TTN: variants seen among roughly 807,000 people sequenced by gnomAD.
TTN encodes connectin.
In TTN, 1,525 loss-of-function variants were observed where a neutral mutation model predicts 3,223.0. The observed-to-expected ratio is 0.47, with a 90% CI of 0.45 to 0.49. The LOEUF is 0.49. TTN is among the 20% of genes least tolerant of loss of function. TTN has a pLI of 0.00. For missense variants in TTN, 40,786 were observed against 43,424.0 expected (o/e 0.94, Z 5.40); for synonymous variants, 14,094 against 15,161.0 (o/e 0.93, Z 5.17).
In TTN at chr2:178,560,819, G is replaced by C; in HGVS notation, c.85313C>G (p.Thr28438Ser). 1.2e-6 allele frequency: 2 copies of C among 1,613,674 alleles called. No individual in the cohort carries two copies. Among genetic ancestry groups the C allele is most frequent in the Non-Finnish European group, 1.7e-6 (2 of 1,179,774 alleles). ...TTTGCAATTAACGGCCACAGACCGA[G>C]TGCCGGCAACATTCTTCAGTGTTAG... ...YVLTLKNVAG[T>S]RSVAVNCKVL... Residue 28438 changes from threonine to serine, a missense_variant, in exon 326 of 363, where the codon ACT becomes AGT. Thr to Ser is a moderately conservative substitution (Grantham distance 58, BLOSUM62 1). Coordinates refer to ENST00000589042, the MANE Select transcript of TTN (RefSeq NM_001267550.2).
chr2:178,593,097 G>C lies in TTN; in HGVS notation c.59036-14C>G. On this transcript the variant is annotated splice_polypyrimidine_tract_variant and intron_variant, in intron 299 of 362. Transcript: ENST00000589042. ...GACTTGGTTTAGCTAAAAAATAAAA[G>C]TAAAAAACGAATTAGCATATAGCTG... 6.2e-7 allele frequency: 1 copy of C among 1,610,742 alleles called. No individual in the cohort carries two copies. Among genetic ancestry groups the C allele is most frequent in the Non-Finnish European group, 8.5e-7 (1 of 1,178,936 alleles).
chr2:178,612,616 T>A (rs772048570), intron 265 of TTN, 40 bp from the exon 266 acceptor site: 11 of 1,483,222 alleles, frequency 7.4e-6, no homozygotes, highest in African/African-American at 7.4e-5. Context: ...TTTTTTTTTT[T>A]ATTACCCAAT....
chr2:178,529,417 TTAAAC>T lies in TTN; in HGVS notation c.106532-203_106532-199del, dbSNP rs1278418942. ...CTTTTGAGATCACTGTAATGATTCC[TTAAAC>T]TAAACTGAGCCAAAGATGATTCATA... On this transcript the variant is annotated intron_variant, in intron 359 of 362. Coordinates refer to ENST00000589042, the MANE Select transcript of TTN (RefSeq NM_001267550.2). The T allele has an allele frequency of 1.4e-4, 62 of 432,114 alleles. No homozygotes were observed. In the East Asian group the frequency reaches 2.2e-3, roughly 15 times the overall value. 26.8% of individuals were successfully genotyped at this position (432,114 alleles called of 1,614,324 possible).
Position 178,644,458 on chromosome 2 carries a change from G to A in TTN, c.40477+90C>T, listed in dbSNP as rs182127995. On this transcript the variant is annotated intron_variant, in intron 218 of 362. Coordinates refer to ENST00000589042, the MANE Select transcript of TTN (RefSeq NM_001267550.2). The stretch of plus-strand genomic sequence containing the variant: ...GGACTACTCTCTGATCATTGAAAAA[G>A]AGAGACAGAACATTCGATGGAGGCA... The A allele has an allele frequency of 1.7e-3, 1,695 of 990,852 alleles. 4 individuals carry two copies. The highest frequency in any genetic ancestry group is 2.6e-3 in the Admixed American group (76 of 29,704). The allele number at this position is 990,852 out of a possible 1,614,324, so 61.4% of individuals were successfully genotyped here.
intron 92 of TTN, among the ~76,000 whole-genome samples, 178 bp from the exon 93 acceptor site, chr2:178,713,550 T>C (rs1376729049): frequency 1.3e-5 from 2 of 152,122 alleles, no homozygotes; most frequent in African/African-American, 2.4e-5. Context: ...GCTTGGAGAA[T>C]CAGTGGGCAG....
At chr2:178,695,532 C>A in intron 114 of TTN, 122 bp from the exon 115 acceptor site, 2 of 735,806 alleles carry the variant, frequency 2.7e-6, no homozygotes, top group Non-Finnish European at 2.2e-6. Context: ...TATTTGGGAT[C>A]GTTATTACCA....
Position 178,554,647 on chromosome 2 carries a change from G to T in TTN, c.88700C>A (p.Thr29567Asn). Residue 29567 changes from threonine to asparagine, a missense_variant, in exon 332 of 363, where the codon ACT becomes AAT. Transcript: ENST00000589042. ...CTCACGCTTTTCCACAATGTAGTGA[G>T]TGATTTTTGCACCACCATCATCAGC... The part of the protein sequence containing the change: ...PPADDGGAKI[T>N]HYIVEKRETS... 1 of 1,613,956 alleles carries T rather than the reference G, an allele frequency of 6.2e-7. No homozygotes were observed.
chr2:178,664,599 C>A (rs1053457010), intron 167 of TTN, 55 bp downstream of exon 167: 2 of 1,606,032 alleles, frequency 1.2e-6, no homozygotes, highest in Admixed American at 1.7e-5. Context: ...TCAGGAAAAA[C>A]ATTTATACAA....
In TTN at chr2:178,576,504, G is replaced by A. The variant is rs1367774053; in HGVS notation, c.69715+25C>T. The A allele has an allele frequency of 3.7e-6, 6 of 1,608,002 alleles. No homozygotes were observed. Among genetic ancestry groups the A allele is most frequent in the Non-Finnish European group, 5.1e-6 (6 of 1,178,306 alleles). On this transcript the variant is annotated intron_variant, in intron 325 of 362. Transcript: ENST00000589042. The surrounding 1 kb of genome is among the most constrained non-coding windows in gnomAD (Gnocchi z 4.3). ...AAAATATTGGCACTCTGGAATGAACGGTGTTGAAAAAGACAAATACTAACA... is the reference window on the plus strand; with the variant it reads ...AAAATATTGGCACTCTGGAATGAACAGTGTTGAAAAAGACAAATACTAACA...
intron 41 of TTN, among the ~76,000 whole-genome samples, chr2:178,765,835 T>G (rs1574497713): frequency 6.6e-6 from 1 of 152,180 alleles, no homozygotes; most frequent in Non-Finnish European, 1.5e-5. Flanking sequence ...CAGAGGCTCC[T>G]CAGGAGTGCT....
At chr2:178,755,087 C>T (rs1006327473) in intron 46 of TTN, among the ~76,000 whole-genome samples, 3 of 152,118 alleles carry the variant, frequency 2.0e-5, no homozygotes, top group East Asian at 3.9e-4. Flanking sequence ...ATTTATTCCA[C>T]CAGCTTCCTT....
chr2:178,715,820 G>A, intron 88 of TTN, 46 bp from the exon 89 acceptor site: 2 of 1,502,328 alleles, frequency 1.3e-6, no homozygotes, highest in African/African-American at 1.4e-5. Flanking sequence ...TGGAACAGAT[G>A]CATATAATTC....
rs769663130 is a variant in TTN at position 178,712,870 on chromosome 2, C to G, written c.27155G>C (p.Trp9052Ser). The change falls in exon 94 of 363, where the codon TGG (tryptophan) becomes TCG (serine). Residue 9052 changes from tryptophan to serine, a missense_variant. Physicochemically the swap from Trp to Ser is radical, Grantham distance 177. Coordinates refer to ENST00000589042, the MANE Select transcript of TTN (RefSeq NM_001267550.2). ...VKGTPPFSVS[W>S]FKGSSELVPG... Reference sequence around the variant, plus strand: ...TACTAGTTCACTGCTACCTTTGAACCAGCTAACACTGAAAGGAGGTGTTCC... The same window carrying G: ...TACTAGTTCACTGCTACCTTTGAACGAGCTAACACTGAAAGGAGGTGTTCC... 3.1e-6 allele frequency: 5 copies of G among 1,613,720 alleles called. No homozygotes were observed. The highest frequency in any genetic ancestry group is 4.2e-6 in the Non-Finnish European group (5 of 1,179,736).
intron 45 of TTN, 70 bp downstream of exon 45, chr2:178,757,472 C>T (rs2087639104): frequency 6.8e-7 from 1 of 1,469,272 alleles, no homozygotes; most frequent in Admixed American, 2.4e-5. Flanking sequence ...ACAGCAGAGA[C>T]TCTCATTAGT....
chr2:178,633,525 C>G lies in TTN; in HGVS notation c.42834G>C (p.Lys14278Asn), dbSNP rs754085836. The G allele has an allele frequency of 2.5e-5, 41 of 1,613,294 alleles. No homozygotes were observed. Among genetic ancestry groups the G allele is most frequent in the Non-Finnish European group, 3.5e-5 (41 of 1,179,628 alleles). The change falls in exon 232 of 363, where the codon AAG (lysine) becomes AAC (asparagine). Residue 14278 changes from lysine to asparagine, a missense_variant. Coordinates refer to ENST00000589042, the MANE Select transcript of TTN (RefSeq NM_001267550.2). Reference protein sequence around the residue: ...EIVPSPKYSIKADGLRRILKI... With the variant: ...EIVPSPKYSINADGLRRILKI... ...TTAAGATGCGGCGCAGGCCATCTGC[C>G]TTGATAGAATATTTGGGTGAAGGGA... is the stretch of plus-strand genomic sequence containing the variant.
chr2:178,802,545 G>C (rs1352111055), intron 2 of TTN, among the ~76,000 whole-genome samples: 4 of 152,196 alleles, frequency 2.6e-5, no homozygotes, highest in Admixed American at 2.6e-4. Flanking sequence ...AGGAAACTGA[G>C]ACCAAAAGAG....
rs546160098 is a variant in TTN, at chr2:178,777,735, T to A, written c.4449A>T (p.Arg1483Ser). 15 of 1,614,084 alleles carry A rather than the reference T, an allele frequency of 9.3e-6. No individual in the cohort carries two copies. The highest frequency in any genetic ancestry group is 1.7e-6 in the Non-Finnish European group (2 of 1,179,972). Residue 1483 changes from arginine to serine, a missense_variant, in exon 25 of 363, where the codon AGA becomes AGT. Arg to Ser is a moderately radical substitution (Grantham distance 110). Coordinates refer to ENST00000589042, the MANE Select transcript of TTN (RefSeq NM_001267550.2). The part of the protein sequence containing the change: ...TARFDLKVVG[R>S]PMPETFWFHD... ...GAAACCAGAACGTCTCTGGCATAGG[T>A]CTACCAACAACCTTTAAGTCAAATC...
At chr2:178,716,795 A>T (rs2077550564) in intron 88 of TTN, among the ~76,000 whole-genome samples, 1 of 152,148 alleles carries the variant, frequency 6.6e-6, no homozygotes, top group South Asian at 2.1e-4. Context: ...TTGTCCTATG[A>T]TACCGTCTTT....
In TTN at chr2:178,531,691, C is replaced by A; in HGVS notation, c.104924G>T (p.Trp34975Leu). 1 of 1,613,960 alleles carries A rather than the reference C, an allele frequency of 6.2e-7. No individual in the cohort carries two copies. Among genetic ancestry groups the A allele is most frequent in the Non-Finnish European group, 8.5e-7 (1 of 1,179,878 alleles). ...VQSKPTAEVK[W>L]YHNGVELQES... ...TTGGAGTTCCACACCATTGTGGTAC[C>A]ATTTAACCTCGGCAGTTGGCTTAGA... Residue 34975 changes from tryptophan to leucine, a missense_variant, in exon 358 of 363, where the codon TGG (tryptophan) becomes TTG (leucine). Coordinates refer to ENST00000589042, the MANE Select transcript of TTN (RefSeq NM_001267550.2).
Sources: gnomAD v4.1 joint callset for allele counts (sites outside exome capture counted in the v4.1 genomes callset) on GRCh38, gnomAD v4.1.1 for gene constraint, Gnocchi (gnomAD v3.1) non-coding constraint, MANE v1.5 for transcripts, NCBI Gene and HGNC (gene_info 2026-07-23, HGNC 2026-07-21) for gene names.